HIVEP1: variants seen among roughly 807,000 people sequenced by gnomAD.
The protein encoded by HIVEP1 is zinc finger protein 40.
In HIVEP1, 36 loss-of-function variants were observed where a neutral mutation model predicts 180.0. The ratio of observed to expected loss-of-function variants is 0.20; its 90% CI spans 0.15 to 0.26. The LOEUF is 0.26. HIVEP1 is among the 10% of genes least tolerant of loss of function. The pLI, the probability that HIVEP1 is intolerant of heterozygous loss-of-function variation, is 1.00. For synonymous variants in HIVEP1, 1,239 were observed against 1,239.0 expected, an observed-to-expected ratio of 1.00 and a Z score of 0.00; for missense variants, 3,143 against 3,268.7, an observed-to-expected ratio of 0.96 and a Z score of 0.94.
chr6:12,018,464 G>A (rs913129756), intron 2 of HIVEP1, among the ~76,000 whole-genome samples: 1 of 152,246 alleles, frequency 6.6e-6, no homozygotes, highest in Non-Finnish European at 1.5e-5. Context: ...TGTACTTCAT[G>A]TTCTTATGAT....
chr6:12,125,528 G>A lies in HIVEP1; in HGVS notation c.5733G>A (p.Glu1911=), dbSNP rs1758011626. The part of the protein sequence containing the change: ...KNQGDKVNIQ[E]QSQQPVTSLS... The stretch of plus-strand genomic sequence containing the variant: ...AAGGTGACAAAGTGAACATCCAAGA[G>A]CAAAGTCAACAGCCAGTCACTTCTC... The change falls in exon 4 of 9, where the codon GAG becomes GAA. Residue 1911 remains glutamate (E), a synonymous_variant. Transcript: ENST00000379388. The A allele has an allele frequency of 6.2e-7, 1 of 1,614,116 alleles. No homozygotes were observed. Among genetic ancestry groups the A allele is most frequent in the Non-Finnish European group, 8.5e-7 (1 of 1,180,008 alleles).
At chr6:12,074,207 G>A (rs957158408) in intron 2 of HIVEP1, among the ~76,000 whole-genome samples, 1 of 152,184 alleles carries the variant, frequency 6.6e-6, no homozygotes, top group Admixed American at 6.5e-5. Context: ...TTCTAAAGAT[G>A]ATGTGAGTGT....
At chr6:12,115,487 G>A (rs1252249667) in intron 3 of HIVEP1, among the ~76,000 whole-genome samples, 9 of 150,986 alleles carry the variant, frequency 6.0e-5, no homozygotes, top group African/African-American at 2.2e-4. Flanking sequence ...GGGCAGTGCT[G>A]CTGATTTTGG....
intron 2 of HIVEP1, among the ~76,000 whole-genome samples, chr6:12,044,147 G>A (rs534991341): frequency 3.9e-5 from 6 of 152,154 alleles, no homozygotes; most frequent in Admixed American, 1.3e-4. Flanking sequence ...TGAATGGCAC[G>A]GCGCAAATGG....
intron 2 of HIVEP1, among the ~76,000 whole-genome samples, chr6:12,059,115 G>A (rs1003195681): frequency 6.6e-6 from 1 of 151,982 alleles, no homozygotes; most frequent in Non-Finnish European, 1.5e-5. Flanking sequence ...GTAGTATCTT[G>A]TTCCAGGCTA....
downstream of HIVEP1, among the ~76,000 whole-genome samples, chr6:12,167,799 C>A (rs55901480): frequency 1.4e-5 from 2 of 142,148 alleles, no homozygotes; most frequent in Non-Finnish European, 3.0e-5. Flanking sequence ...AATATATACA[C>A]ATGTACATGT....
the HIVEP1 span, among the ~76,000 whole-genome samples, chr6:12,209,751 T>C: frequency 1.3e-5 from 2 of 152,242 alleles, no homozygotes; most frequent in Non-Finnish European, 2.9e-5. Flanking sequence ...CTTAATGTAG[T>C]ATAGCTTAAT....
At chr6:12,172,055 A>T in the HIVEP1 span, among the ~76,000 whole-genome samples, 1 of 152,122 alleles carries the variant, frequency 6.6e-6, no homozygotes, top group Admixed American at 6.6e-5. Flanking sequence ...CAAACCCATG[A>T]CCCACCCACA....
At chr6:12,074,106 A>G (rs1398957586) in intron 2 of HIVEP1, among the ~76,000 whole-genome samples, 1 of 152,256 alleles carries the variant, frequency 6.6e-6, no homozygotes, top group African/African-American at 2.4e-5. Context: ...GCATGAAAAC[A>G]TTTTATTTGA....
chr6:12,136,647 C>A lies in HIVEP1; in HGVS notation c.6487+755C>A, dbSNP rs184664943. Among the ~76,000 whole-genome samples, 24 of 152,320 alleles carry A rather than the reference C, an allele frequency of 1.6e-4. 1 individual carries two copies. In the East Asian group the frequency reaches 4.1e-3, roughly 26 times the overall value. On this transcript the variant is annotated intron_variant, in intron 7 of 8. Transcript: ENST00000379388. ...TCACCAGAAGCACTTAGCGCAGTGC[C>A]TTGCACTGCTCAGCAGCTCCATATT... is the stretch of plus-strand genomic sequence containing the variant.
chr6:12,167,595 T>C (rs1019525242), downstream of HIVEP1, among the ~76,000 whole-genome samples: 3 of 105,702 alleles, frequency 2.8e-5, no homozygotes, highest in Admixed American at 1.8e-4. Flanking sequence ...ATATTACATG[T>C]ATATATACAT....
chr6:12,018,517 G>A (rs1056382949), intron 2 of HIVEP1, among the ~76,000 whole-genome samples: 1 of 152,262 alleles, frequency 6.6e-6, no homozygotes, highest in Non-Finnish European at 1.5e-5. Context: ...GAAGAATGGA[G>A]TTGAAGAGCT....
intron 3 of HIVEP1, among the ~76,000 whole-genome samples, chr6:12,100,549 C>G (rs973803440): frequency 6.6e-6 from 1 of 152,172 alleles, no homozygotes; most frequent in Non-Finnish European, 1.5e-5. Context: ...GATCCTAGAA[C>G]TTTCTTAGAA....
At chr6:12,166,901 A>T (rs1046835614), downstream of HIVEP1, among the ~76,000 whole-genome samples, 8 of 152,218 alleles carry the variant, frequency 5.3e-5, no homozygotes, top group Non-Finnish European at 1.2e-4. Flanking sequence ...CTGCAATGCC[A>T]TCATCAGAAG....
At chr6:12,149,840 G>A (rs1319197503) in intron 7 of HIVEP1, among the ~76,000 whole-genome samples, 1 of 152,096 alleles carries the variant, frequency 6.6e-6, no homozygotes, top group African/African-American at 2.4e-5. Flanking sequence ...TTCATTAAAG[G>A]GTGATGTGAA....
chr6:12,211,061 G>T, the HIVEP1 span, among the ~76,000 whole-genome samples: 5 of 151,756 alleles, frequency 3.3e-5, no homozygotes, highest in Admixed American at 6.6e-5. Context: ...CTCAGGGGAA[G>T]CTACATAGAC....
intron 7 of HIVEP1, among the ~76,000 whole-genome samples, chr6:12,160,915 A>G (rs548364647): frequency 1.6e-4 from 25 of 152,308 alleles, no homozygotes; most frequent in African/African-American, 5.8e-4. Flanking sequence ...TCCTCAGATA[A>G]AAGTCCTTTT....
At chr6:12,205,189 C>T in the HIVEP1 span, among the ~76,000 whole-genome samples, 7 of 152,156 alleles carry the variant, frequency 4.6e-5, no homozygotes, top group South Asian at 1.2e-3. Context: ...TTGAACAAAG[C>T]GGCTGGGCGC....
chr6:12,074,620 G>GT (rs1491456670), intron 2 of HIVEP1, among the ~76,000 whole-genome samples: 5 of 16,946 alleles, frequency 3.0e-4, no homozygotes, highest in Admixed American at 5.6e-4. Flanking sequence ...GTATGAAAAA[G>GT]TGTGTGTGTG....
Sources: allele counts gnomAD v4.1 joint callset (sites outside exome capture counted in the v4.1 genomes callset), GRCh38; gene constraint gnomAD v4.1.1; transcripts MANE v1.5; gene names NCBI Gene and HGNC (gene_info 2026-07-23, HGNC 2026-07-21).